Variants in STK32B observed in about 807,000 individuals in gnomAD.
STK32B encodes the protein serine/threonine kinase 32B.
In STK32B, 43 loss-of-function variants were observed where a neutral mutation model predicts 52.6. The ratio of observed to expected loss-of-function variants is 0.82; its 90% confidence interval spans 0.64 to 1.05. The LOEUF is 1.05. STK32B is among the 50% of genes least tolerant of loss of function. The probability of loss-of-function intolerance (pLI) is 0.00; values close to 1 mark genes in which losing one functional copy is unlikely to be tolerated. For missense variants in STK32B, 621 were observed against 534.6 expected (o/e 1.16, Z -1.59); for synonymous variants, 238 against 204.3 (o/e 1.17, Z -1.41).
intron 3 of STK32B, among the ~76,000 whole-genome samples, chr4:5,322,936 A>T (rs1039942265): frequency 6.6e-6 from 1 of 152,210 alleles, no homozygotes; most frequent in Non-Finnish European, 1.5e-5. Flanking sequence ...AAGGCTGATG[A>T]TTGAGTACAT....
At chr4:5,265,634 C>A (rs995468860) in intron 3 of STK32B, among the ~76,000 whole-genome samples, 1 of 152,168 alleles carries the variant, frequency 6.6e-6, no homozygotes, top group Non-Finnish European at 1.5e-5. Context: ...TTATGGTAGT[C>A]TCACTTTTAT....
intron 3 of STK32B, among the ~76,000 whole-genome samples, chr4:5,184,424 A>T (rs142278577): frequency 3.3e-5 from 5 of 152,350 alleles, no homozygotes; most frequent in African/African-American, 9.6e-5. Flanking sequence ...TAGTAGTAAT[A>T]TCAAAGATTA....
chr4:5,164,591 G>A (rs1481124353), intron 2 of STK32B, among the ~76,000 whole-genome samples: 1 of 152,236 alleles, frequency 6.6e-6, no homozygotes, highest in East Asian at 1.9e-4. Flanking sequence ...CCCACATTAA[G>A]GTGGCAGCAT....
chr4:5,264,790 C>CA (rs199565113), intron 3 of STK32B, among the ~76,000 whole-genome samples: 2,091 of 146,092 alleles, frequency 0.014, 27 homozygotes, highest in South Asian at 0.058. Flanking sequence ...CCATCTCAAA[C>CA]AAAAAAAAAA....
At position 5,261,916 on chromosome 4, in the gene STK32B, C is replaced by A. The variant is rs536669045; in HGVS notation, c.261-69304C>A. The stretch of plus-strand genomic sequence containing the variant: ...TATTCGCAGCAGAAATATTCAAATG[C>A]AATTAAAAACTGCAAATATAATAAT... On this transcript the variant is annotated intron_variant, in intron 3 of 11. Transcript: ENST00000282908. Among the ~76,000 whole-genome samples the A allele has an allele frequency of 3.4e-3, 515 of 152,190 alleles. 4 individuals are homozygous for A. The highest frequency in any genetic ancestry group is 5.6e-3 in the Non-Finnish European group (379 of 68,012).
At chr4:5,412,686 C>T (rs1033449065) in intron 5 of STK32B, among the ~76,000 whole-genome samples, 20 of 152,284 alleles carry the variant, frequency 1.3e-4, no homozygotes, top group East Asian at 1.2e-3. Context: ...TAATACCCTC[C>T]TCTCAGTAGC....
At chr4:5,047,274 T>C (rs1434992839), upstream of STK32B, among the ~76,000 whole-genome samples, 1 of 147,834 alleles carries the variant, frequency 6.8e-6, no homozygotes, top group East Asian at 2.0e-4. Flanking sequence ...CACTCATAAG[T>C]GGGAGCTGAA....
At chr4:5,187,636 A>G (rs898655556) in intron 3 of STK32B, among the ~76,000 whole-genome samples, 1 of 152,146 alleles carries the variant, frequency 6.6e-6, no homozygotes, top group African/African-American at 2.4e-5. Flanking sequence ...GGGGGGGACA[A>G]GCCCTGTTTG....
chr4:5,478,545 G>T (rs994532748), intron 11 of STK32B, among the ~76,000 whole-genome samples: 6 of 152,212 alleles, frequency 3.9e-5, no homozygotes, highest in Non-Finnish European at 4.4e-5. Flanking sequence ...AACTGTTGAG[G>T]TTTAAAAGTG....
At chr4:5,317,600 C>G (rs1490927087) in intron 3 of STK32B, among the ~76,000 whole-genome samples, 2 of 136,786 alleles carry the variant, frequency 1.5e-5, no homozygotes, top group Admixed American at 7.9e-5. Flanking sequence ...GGCTTAACCA[C>G]TGAAGCAACA....
At chr4:5,294,700 C>A (rs1183096613) in intron 3 of STK32B, among the ~76,000 whole-genome samples, 1 of 152,104 alleles carries the variant, frequency 6.6e-6, no homozygotes, top group Non-Finnish European at 1.5e-5. Flanking sequence ...TCTAAATATA[C>A]AATCATGTCA....
At chr4:5,226,855 G>A (rs981390202) in intron 3 of STK32B, among the ~76,000 whole-genome samples, 5 of 152,224 alleles carry the variant, frequency 3.3e-5, no homozygotes, top group South Asian at 2.1e-4. Flanking sequence ...CAGGCGTTCA[G>A]TGGGGGTCTT....
chr4:5,270,474 G>A (rs1313807167), intron 3 of STK32B, among the ~76,000 whole-genome samples: 2 of 151,908 alleles, frequency 1.3e-5, no homozygotes, highest in African/African-American at 4.8e-5. Context: ...CTGACTCAAA[G>A]GCAGATCTCC....
intron 2 of STK32B, among the ~76,000 whole-genome samples, chr4:5,153,945 G>A (rs753472593): frequency 2.0e-5 from 3 of 152,082 alleles, no homozygotes; most frequent in Non-Finnish European, 4.4e-5. Context: ...TTTTGGTTCT[G>A]TAATCAAAGT....
At chr4:5,444,014 C>T (rs1249451454) in intron 6 of STK32B, among the ~76,000 whole-genome samples, 5 of 152,206 alleles carry the variant, frequency 3.3e-5, no homozygotes, top group Non-Finnish European at 5.9e-5. Context: ...AGCTGTCAGA[C>T]AGGGACATTT....
At chr4:5,285,587 C>T (rs1728496151) in intron 3 of STK32B, among the ~76,000 whole-genome samples, 5 of 152,056 alleles carry the variant, frequency 3.3e-5, no homozygotes. Flanking sequence ...ATCATAAGAA[C>T]AATTCACATT....
chr4:5,116,378 G>A lies in STK32B; in HGVS notation c.53-23527G>A, dbSNP rs1052819398. Reference sequence around the variant, plus strand: ...TCGTTGTACATTTTATTTTTTAATAGAAAAGTAAAATCTGTATATATTTAC... The same window carrying A: ...TCGTTGTACATTTTATTTTTTAATAAAAAAGTAAAATCTGTATATATTTAC... On this transcript the variant is annotated intron_variant, in intron 1 of 11. Coordinates refer to ENST00000282908, the MANE Select transcript of STK32B (RefSeq NM_018401.3). 2.0e-5 allele frequency among the ~76,000 whole-genome samples: 3 copies of A among 152,238 alleles called. No homozygotes were observed. In the South Asian group the frequency reaches 6.2e-4, roughly 32 times the overall value.
intron 3 of STK32B, among the ~76,000 whole-genome samples, chr4:5,272,826 A>G (rs1477627386): frequency 7.4e-6 from 1 of 135,146 alleles, no homozygotes; most frequent in Non-Finnish European, 1.6e-5. Flanking sequence ...CTTACACCTT[A>G]TACAAAAATC....
rs995358471 is a variant in STK32B, at chr4:5,368,065, T to G, written c.435-30142T>G. Reference sequence around the variant, plus strand: ...CGATTTCTACCTCTTCTGGGTTTCTTGCATCTCTAATGTGTAAGTCAAAGA... The same window carrying G: ...CGATTTCTACCTCTTCTGGGTTTCTGGCATCTCTAATGTGTAAGTCAAAGA... On this transcript the variant is annotated intron_variant, in intron 4 of 11. Transcript: ENST00000282908. Among the ~76,000 whole-genome samples, 4 of 152,278 alleles carry G rather than the reference T, an allele frequency of 2.6e-5. No individual in the cohort carries two copies. In the East Asian group the frequency reaches 7.7e-4, roughly 29 times the overall value.
Sources: allele counts gnomAD v4.1 joint callset (sites outside exome capture counted in the v4.1 genomes callset), GRCh38; gene constraint gnomAD v4.1.1; transcripts MANE v1.5; gene names NCBI Gene and HGNC (gene_info 2026-07-23, HGNC 2026-07-21).